RBFOX2: variants seen among roughly 807,000 people sequenced by gnomAD.
RBFOX2 encodes the protein RNA binding protein fox-1 homolog 2.
In RBFOX2, 10 loss-of-function variants were observed where a neutral mutation model predicts 49.1. The ratio of observed to expected loss-of-function variants is 0.20; its 90% CI spans 0.13 to 0.35. The LOEUF is 0.35. RBFOX2 is among the 10% of genes least tolerant of loss of function. The pLI is 1.00. For synonymous variants in RBFOX2, 183 were observed against 187.4 expected (o/e 0.98, Z 0.19); for missense variants, 323 against 486.9 (o/e 0.66, Z 3.17).
At chr22:36,000,537 C>T (rs2058372443) in intron 1 of RBFOX2, 1 of 150,580 alleles carries the variant, frequency 6.6e-6, no homozygotes, top group East Asian at 1.9e-4. Context: ...TTACACTTGA[C>T]TTTATTCTAA....
intron 1 of RBFOX2, among the ~76,000 whole-genome samples, chr22:35,892,112 A>T (rs1408691364): frequency 6.6e-6 from 1 of 152,236 alleles, no homozygotes; most frequent in Non-Finnish European, 1.5e-5. Flanking sequence ...CTAGTTATTT[A>T]CTGAGCATCT....
chr22:36,020,804 T>C (rs2059215859), intron 1 of RBFOX2, among the ~76,000 whole-genome samples: 1 of 152,322 alleles, frequency 6.6e-6, no homozygotes, highest in Non-Finnish European at 1.5e-5. Context: ...GGTGGGACTG[T>C]AAACTAGTTC....
chr22:35,916,946 T>C (rs1398692839), intron 1 of RBFOX2, among the ~76,000 whole-genome samples: 1 of 151,560 alleles, frequency 6.6e-6, no homozygotes, highest in East Asian at 1.9e-4. Flanking sequence ...CAATACCTGA[T>C]GCATAGCAAG....
intron 9 of RBFOX2, among the ~76,000 whole-genome samples, chr22:35,758,072 T>C (rs1937523044): frequency 6.6e-6 from 1 of 152,174 alleles, no homozygotes; most frequent in African/African-American, 2.4e-5. Context: ...TGATTAATGA[T>C]GAAATTAGTT....
intron 5 of RBFOX2, among the ~76,000 whole-genome samples, chr22:35,767,693 G>A (rs1235788721): frequency 6.6e-6 from 1 of 151,966 alleles, no homozygotes; most frequent in African/African-American, 2.4e-5. Context: ...CAAAATTCTT[G>A]GTATTAGATA....
chr22:36,016,318 G>A (rs771981136), intron 1 of RBFOX2, among the ~76,000 whole-genome samples: 4 of 152,036 alleles, frequency 2.6e-5, no homozygotes, highest in African/African-American at 9.7e-5. Context: ...CCCAGGCCCT[G>A]TCTGTAGTTC....
intron 1 of RBFOX2, among the ~76,000 whole-genome samples, chr22:35,852,868 AAAC>A (rs1450455320): frequency 6.6e-6 from 1 of 152,188 alleles, no homozygotes; most frequent in African/African-American, 2.4e-5. Flanking sequence ...TCAAATCCTA[AAAC>A]AACTGACATA....
intron 2 of RBFOX2, among the ~76,000 whole-genome samples, chr22:35,787,871 G>A (rs1946747642): frequency 6.6e-6 from 1 of 152,178 alleles, no homozygotes; most frequent in East Asian, 1.9e-4. Context: ...AGAAGAGGCT[G>A]GATGGAGTCC....
chr22:35,906,134 T>C (rs138131186), intron 1 of RBFOX2, among the ~76,000 whole-genome samples: 2 of 152,278 alleles, frequency 1.3e-5, no homozygotes, highest in South Asian at 2.1e-4. Flanking sequence ...ATACCGCATA[T>C]GTCATTAAGT....
At chr22:35,902,949 C>T (rs545615578) in intron 1 of RBFOX2, among the ~76,000 whole-genome samples, 1 of 152,120 alleles carries the variant, frequency 6.6e-6, no homozygotes, top group East Asian at 1.9e-4. Context: ...AGCCACTACA[C>T]ACAACCTCTT....
At chr22:35,748,790 G>A (rs1933778628) in intron 9 of RBFOX2, among the ~76,000 whole-genome samples, 1 of 152,184 alleles carries the variant, frequency 6.6e-6, no homozygotes, top group Non-Finnish European at 1.5e-5. Context: ...AAAAACTGAA[G>A]TCTTATGCCA....
At chr22:35,856,059 G>A (rs1400847637) in intron 1 of RBFOX2, among the ~76,000 whole-genome samples, 1 of 151,986 alleles carries the variant, frequency 6.6e-6, no homozygotes, top group South Asian at 2.1e-4. Flanking sequence ...AATGTCTGTT[G>A]AACAGAAATT....
intron 4 of RBFOX2, among the ~76,000 whole-genome samples, chr22:35,774,831 A>G (rs1943506449): frequency 6.6e-6 from 1 of 152,184 alleles, no homozygotes; most frequent in Admixed American, 6.5e-5. Flanking sequence ...GTCTTATTAT[A>G]CAAAATAAGA....
At chr22:35,987,279 C>T (rs531936687) in intron 1 of RBFOX2, among the ~76,000 whole-genome samples, 2 of 152,256 alleles carry the variant, frequency 1.3e-5, no homozygotes, top group South Asian at 4.1e-4. Flanking sequence ...CAAATTTAGG[C>T]TGTTCTTTAC....
At chr22:35,960,976 G>A (rs1187543335) in intron 1 of RBFOX2, among the ~76,000 whole-genome samples, 1 of 151,802 alleles carries the variant, frequency 6.6e-6, no homozygotes, top group African/African-American at 2.4e-5. Context: ...AAAAAAAGCA[G>A]CCTCTTAGTC....
intron 1 of RBFOX2, among the ~76,000 whole-genome samples, chr22:35,976,588 T>C (rs1217449116): frequency 6.6e-6 from 1 of 152,140 alleles, no homozygotes; most frequent in African/African-American, 2.4e-5. Context: ...AATAACAGAA[T>C]GAATGAAAAT....
At chr22:35,791,254 G>A (rs1030099964) in intron 2 of RBFOX2, among the ~76,000 whole-genome samples, 26 of 151,638 alleles carry the variant, frequency 1.7e-4, no homozygotes, top group African/African-American at 5.8e-4. Context: ...GCGTGGTGGC[G>A]GGTGCTTGTA....
At chr22:35,755,746 A>C (rs1242607887) in intron 9 of RBFOX2, among the ~76,000 whole-genome samples, 1 of 152,134 alleles carries the variant, frequency 6.6e-6, no homozygotes, top group East Asian at 1.9e-4. Flanking sequence ...TTATGTATGC[A>C]AATGACACGA....
chr22:36,028,173 G>C (rs1188144121), intron 1 of RBFOX2, 67 bp downstream of exon 1: 6 of 1,372,424 alleles, frequency 4.4e-6, no homozygotes, highest in African/African-American at 1.5e-5. Flanking sequence ...TCTCCAAGCC[G>C]GGGAGCCCGG....
Sources: gnomAD v4.1 joint callset for allele counts (sites outside exome capture counted in the v4.1 genomes callset) on GRCh38, gnomAD v4.1.1 for gene constraint, MANE v1.5 for transcripts, NCBI Gene and HGNC (gene_info 2026-07-23, HGNC 2026-07-21) for gene names.